The following CHD7 variants were observed in gnomAD, a reference collection of about 807,000 sequenced individuals.
CHD7 encodes the protein chromodomain helicase DNA binding protein 7.
Under a neutral mutation model 307.3 loss-of-function variants are expected in CHD7, and 24 were observed. That is an observed-to-expected ratio of 0.08 (90% CI 0.06 to 0.11). CHD7 has a LOEUF of 0.11. Among genes scored for constraint, CHD7 ranks in the 10% least tolerant of loss-of-function variants. The pLI is 1.00. For missense variants in CHD7, 3,106 were observed against 3,727.1 expected, an observed-to-expected ratio of 0.83 and a Z score of 4.34; for synonymous variants, 1,363 against 1,349.9, an observed-to-expected ratio of 1.01 and a Z score of -0.21.
At position 60,849,083 on chromosome 8, in the gene CHD7, A is replaced by T. The variant is rs764082970; in HGVS notation, c.5333A>T (p.His1778Leu). The T allele has an allele frequency of 1.2e-6, 2 of 1,613,478 alleles. No individual in the cohort carries two copies. The highest frequency in any genetic ancestry group is 2.2e-5 in the South Asian group (2 of 91,042). ...GATGTGTGGATCCCTGAACCTTTCC[A>T]TGCTGAAGTTCCTGCAGATTGGTGG... Reference protein sequence around the residue: ...EADVWIPEPFHAEVPADWWDK... With the variant: ...EADVWIPEPFLAEVPADWWDK... Residue 1778 changes from histidine (H) to leucine (L), a missense_variant, in exon 25 of 38, where the codon CAT becomes CTT. His to Leu is a moderately conservative substitution (Grantham distance 99). Around this residue, in one of 10 missense-constraint regions of CHD7, gnomAD observed 1,030 missense variants for 1,165.4 expected, o/e 0.88. Transcript: ENST00000423902.
intron 19 of CHD7, among the ~76,000 whole-genome samples, chr8:60,840,784 A>G (rs1168685507): frequency 6.6e-6 from 1 of 151,654 alleles, no homozygotes; most frequent in East Asian, 1.9e-4. Context: ...TGCCTGGCTA[A>G]TTTTTGCATT....
In CHD7 at chr8:60,865,896, G is replaced by A. The variant is rs374004489; in HGVS notation, c.8957G>A (p.Gly2986Glu). 3 of 1,609,180 alleles carry A rather than the reference G, an allele frequency of 1.9e-6. No individual in the cohort carries two copies. The highest frequency in any genetic ancestry group is 2.5e-6 in the Non-Finnish European group (3 of 1,177,646). ...AQGEELDSLDGGDEIENNEND... is the reference protein window; with the variant it reads ...AQGEELDSLDEGDEIENNEND... ...GGTGAAGAGCTAGACTCACTTGATGGGGGGGATGAAATAGAAAACAATGAA... is the reference window on the plus strand; with the variant it reads ...GGTGAAGAGCTAGACTCACTTGATGAGGGGGATGAAATAGAAAACAATGAA... The change falls in exon 38 of 38, where the codon GGG becomes GAG. Residue 2986 changes from glycine (G) to glutamate (E), a missense_variant. Gly to Glu is a moderately conservative substitution (Grantham distance 98, BLOSUM62 -2). Transcript: ENST00000423902. The surrounding 1 kb of genome is among the most constrained non-coding windows in gnomAD (Gnocchi z 4.3).
intron 1 of CHD7, among the ~76,000 whole-genome samples, chr8:60,727,210 T>A (rs571246144): frequency 2.0e-5 from 3 of 152,240 alleles, no homozygotes; most frequent in East Asian, 3.9e-4. Context: ...CATTGCAGCC[T>A]CGACCTCCAA....
intron 1 of CHD7, among the ~76,000 whole-genome samples, chr8:60,698,718 G>A (rs996774513): frequency 6.6e-6 from 1 of 152,216 alleles, no homozygotes; most frequent in Admixed American, 6.5e-5. Context: ...ACATGGAAAT[G>A]AGCAGTGTAA....
At chr8:60,726,803 A>G (rs577135557) in intron 1 of CHD7, among the ~76,000 whole-genome samples, 13 of 152,266 alleles carry the variant, frequency 8.5e-5, no homozygotes, top group Admixed American at 8.5e-4. Flanking sequence ...AGTTGTAGCC[A>G]TCAGAGTGGA....
At chr8:60,819,930 G>A (rs1407326330) in intron 8 of CHD7, 77 bp from the exon 9 acceptor site, 6 of 963,668 alleles carry the variant, frequency 6.2e-6, no homozygotes, top group Non-Finnish European at 8.0e-6. Flanking sequence ...AAATATTATT[G>A]CTTGGTGAAA....
chr8:60,758,927 A>C (rs569770717), intron 2 of CHD7, among the ~76,000 whole-genome samples: 14 of 152,294 alleles, frequency 9.2e-5, no homozygotes, highest in Non-Finnish European at 1.6e-4. Context: ...TCCTAATGTG[A>C]GTTGGTGGCC....
intron 2 of CHD7, among the ~76,000 whole-genome samples, chr8:60,746,566 A>G (rs954924929): frequency 6.6e-6 from 1 of 152,250 alleles, no homozygotes; most frequent in African/African-American, 2.4e-5. Context: ...TGAAATGTCC[A>G]TTTAACTTGA....
chr8:60,741,486 T>C lies in CHD7; in HGVS notation c.54T>C (p.Ser18=), dbSNP rs2150577330. The part of the protein sequence containing the change: ...SLFGEDGNIF[S]EGLEGLGECG... ...TTGGCGAGGATGGGAATATTTTCAG[T>C]GAAGGTCTTGAAGGCCTCGGAGAAT... The change falls in exon 2 of 38, where the codon AGT becomes AGC. Residue 18 remains serine (S), a synonymous_variant. Coordinates refer to ENST00000423902, the MANE Select transcript of CHD7 (RefSeq NM_017780.4). 1 of 1,612,272 alleles carries C rather than the reference T, an allele frequency of 6.2e-7. No individual in the cohort carries two copies. Among genetic ancestry groups the C allele is most frequent in the Non-Finnish European group, 8.5e-7 (1 of 1,179,076 alleles).
intron 1 of CHD7, among the ~76,000 whole-genome samples, chr8:60,724,428 G>C (rs1261239024): frequency 6.6e-6 from 1 of 152,258 alleles, no homozygotes; most frequent in African/African-American, 2.4e-5. Context: ...ACTGACATTT[G>C]CTGACTGCTG....
At chr8:60,857,767 C>T (rs1317617942) in intron 34 of CHD7, among the ~76,000 whole-genome samples, 5 of 152,212 alleles carry the variant, frequency 3.3e-5, no homozygotes, top group Non-Finnish European at 1.5e-5. Flanking sequence ...TCTGTTTCAA[C>T]ATGTTTTTAC....
rs6471905 is a variant in CHD7 at position 60,835,856 on chromosome 8, G to A, written c.3779-217G>A. ...TGTTGAAAAATGTGGTTTTCCCCCT[G>A]AATGCCTCAATGTGTTGTGCTTAAA... On this transcript the variant is annotated intron_variant, in intron 15 of 37. Transcript: ENST00000423902. Among the ~76,000 whole-genome samples the A allele has an allele frequency of 0.82, 125,507 of 152,162 alleles. 52,270 individuals carry two copies. Among genetic ancestry groups the A allele is most frequent in the East Asian group, 0.94 (4,859 of 5,174 alleles).
intron 3 of CHD7, among the ~76,000 whole-genome samples, 158 bp downstream of exon 3, chr8:60,781,588 T>C (rs1267125792): frequency 1.3e-5 from 2 of 152,220 alleles, no homozygotes; most frequent in African/African-American, 4.8e-5. Context: ...AGCTAAGGCT[T>C]TTACGCATTC....
At chr8:60,691,154 C>T (rs1017769360) in intron 1 of CHD7, among the ~76,000 whole-genome samples, 2 of 152,144 alleles carry the variant, frequency 1.3e-5, no homozygotes, top group Non-Finnish European at 2.9e-5. Context: ...TCGAACTCCT[C>T]ACCTCAGCTG....
chr8:60,772,666 C>A (rs1031860725), intron 2 of CHD7, among the ~76,000 whole-genome samples: 50 of 152,076 alleles, frequency 3.3e-4, no homozygotes, highest in African/African-American at 1.2e-3. Context: ...GAAATAGGTT[C>A]TATAGATTCT....
rs774417445 is a variant in CHD7, at chr8:60,800,525, G to A, written c.2376G>A (p.Gln792=). 2 of 1,611,166 alleles carry A rather than the reference G, an allele frequency of 1.2e-6. No homozygotes were observed. Among genetic ancestry groups the A allele is most frequent in the Admixed American group, 3.4e-5 (2 of 59,484 alleles). The change falls in exon 5 of 38, where the codon CAG becomes CAA. Residue 792 remains glutamine, a splice_region_variant and synonymous_variant. Transcript: ENST00000423902. ...CCAACACCTCCCAGTCAGAACAGCA[G>A]GTTAGTACCAGATCTGTGGGATTTA... ...SPSNTSQSEQ[Q]ESVDAEGPVV... is the part of the protein sequence containing the mutation.
chr8:60,850,552 G>A lies in CHD7; in HGVS notation c.5464G>A (p.Gly1822Ser), dbSNP rs1805408586. Residue 1822 changes from glycine to serine, a missense_variant, in exon 26 of 38, where the codon GGT becomes AGT. By Grantham distance (56) the Gly-to-Ser change is moderately conservative (BLOSUM62 0). Coordinates refer to ENST00000423902, the MANE Select transcript of CHD7 (RefSeq NM_017780.4). ...DPALCFLERV[G>S]MPDAKAIAAE... The stretch of plus-strand genomic sequence containing the variant: ...CGCGCTGTGCTTTCTGGAACGAGTC[G>A]GTATGCCTGATGCCAAGGCCATAGC... The A allele has an allele frequency of 5.6e-6, 9 of 1,613,202 alleles. No individual in the cohort carries two copies. Among genetic ancestry groups the A allele is most frequent in the South Asian group, 2.2e-5 (2 of 90,908 alleles).
Position 60,785,842 on chromosome 8 carries a change from C to G in CHD7, c.2096+4412C>G, listed in dbSNP as rs1408851824. On this transcript the variant is annotated intron_variant, in intron 3 of 37. Transcript: ENST00000423902. ...TTTGATTTTTTTTTTTTGTAGCTGT[C>G]CTGATGATTTTCTTATTCTTTATTT... Among the ~76,000 whole-genome samples, 3 of 149,722 alleles carry G rather than the reference C, an allele frequency of 2.0e-5. No individual in the cohort carries two copies. The East Asian group carries it at 5.8e-4, about 29-fold the overall frequency.
chr8:60,851,412 T>G, intron 28 of CHD7, 93 bp downstream of exon 28: 1 of 890,766 alleles, frequency 1.1e-6, no homozygotes, highest in Non-Finnish European at 1.8e-6. Flanking sequence ...ATGACAGCAG[T>G]GTCTTAACAC....
Sources: allele counts gnomAD v4.1 joint callset (sites outside exome capture counted in the v4.1 genomes callset), GRCh38; gene constraint gnomAD v4.1.1; regional missense constraint gnomAD v4.1.1; non-coding constraint Gnocchi (gnomAD v3.1); transcripts MANE v1.5; gene names NCBI Gene and HGNC (gene_info 2026-07-23, HGNC 2026-07-21).